The following ITPR2 variants were observed in gnomAD, a reference collection of about 807,000 sequenced individuals.
ITPR2 encodes the protein inositol 1,4,5-trisphosphate-gated calcium channel ITPR2.
In ITPR2, 207 loss-of-function variants were observed where a neutral mutation model predicts 317.1. The observed-to-expected ratio is 0.65, with a 90% CI of 0.58 to 0.73. ITPR2 has a LOEUF of 0.73. Ranked by LOEUF, ITPR2 falls within the 30% of genes least tolerant of loss-of-function variation. The pLI, the probability that ITPR2 is intolerant of heterozygous loss-of-function variation, is 0.00. For missense variants in ITPR2, 2,613 were observed against 3,284.0 expected, an observed-to-expected ratio of 0.80 and a Z score of 4.99; for synonymous variants, 1,156 against 1,149.1, an observed-to-expected ratio of 1.01 and a Z score of -0.12.
intron 2 of ITPR2, among the ~76,000 whole-genome samples, chr12:26,769,027 C>CACACACACACACACA (rs55797555): frequency 0.023 from 2,534 of 112,232 alleles, 56 homozygotes; most frequent in Non-Finnish European, 0.033. Flanking sequence ...ACACACACAC[C>CACACACACACACACA]CCAATCTCAG....
At chr12:26,460,184 T>C (rs1941982277) in intron 45 of ITPR2, among the ~76,000 whole-genome samples, 2 of 152,204 alleles carry the variant, frequency 1.3e-5, no homozygotes, top group African/African-American at 2.4e-5. Flanking sequence ...GATCCGACCC[T>C]GCCTCCATCC....
At chr12:26,526,166 T>A (rs1435268694) in intron 37 of ITPR2, among the ~76,000 whole-genome samples, 1 of 152,142 alleles carries the variant, frequency 6.6e-6, no homozygotes, top group Non-Finnish European at 1.5e-5. Context: ...AATAATAGAC[T>A]CATGGAAATA....
chr12:26,484,879 T>C (rs1028781859), intron 41 of ITPR2, among the ~76,000 whole-genome samples: 4 of 152,024 alleles, frequency 2.6e-5, no homozygotes, highest in Admixed American at 1.3e-4. Flanking sequence ...GCCCAGCTAA[T>C]TTTTTGTATT....
intron 2 of ITPR2, among the ~76,000 whole-genome samples, chr12:26,763,873 G>A (rs1949677238): frequency 6.6e-6 from 1 of 151,926 alleles, no homozygotes; most frequent in South Asian, 2.1e-4. Context: ...CATAAAAGGT[G>A]GAAATTTGGT....
chr12:26,827,051 C>A (rs988359610), intron 1 of ITPR2, among the ~76,000 whole-genome samples: 1 of 152,126 alleles, frequency 6.6e-6, no homozygotes, highest in Non-Finnish European at 1.5e-5. Flanking sequence ...CAGCACATCC[C>A]AAGACTCCCT....
At chr12:26,585,725 T>C (rs1440926622) in intron 32 of ITPR2, among the ~76,000 whole-genome samples, 1 of 152,146 alleles carries the variant, frequency 6.6e-6, no homozygotes, top group Non-Finnish European at 1.5e-5. Context: ...TTTCTAATTA[T>C]TTCCCAAGGA....
chr12:26,815,496 G>T (rs900231020), intron 1 of ITPR2, among the ~76,000 whole-genome samples: 7 of 152,086 alleles, frequency 4.6e-5, no homozygotes, highest in East Asian at 1.9e-4. Flanking sequence ...TGAAATATTA[G>T]CAACTAAAAT....
At chr12:26,586,531 T>A (rs1225411100) in intron 32 of ITPR2, among the ~76,000 whole-genome samples, 1 of 152,260 alleles carries the variant, frequency 6.6e-6, no homozygotes, top group Admixed American at 6.5e-5. Flanking sequence ...TGCTTTCATC[T>A]AAAGACAGAT....
intron 2 of ITPR2, among the ~76,000 whole-genome samples, chr12:26,729,186 T>C (rs1307637752): frequency 6.6e-6 from 1 of 152,046 alleles, no homozygotes; most frequent in East Asian, 1.9e-4. Context: ...AAAACATACA[T>C]GCGGCCAACA....
At chr12:26,604,814 G>A (rs1213320586) in intron 26 of ITPR2, among the ~76,000 whole-genome samples, 3 of 152,142 alleles carry the variant, frequency 2.0e-5, no homozygotes, top group African/African-American at 7.2e-5. Flanking sequence ...TTATAGGAGA[G>A]GCCGGACGCA....
chr12:26,774,746 T>A (rs74072358), intron 2 of ITPR2, among the ~76,000 whole-genome samples: 3,820 of 152,322 alleles, frequency 0.025, 165 homozygotes, highest in African/African-American at 0.086. Context: ...ATTTCCAACA[T>A]GCGAACAGCT....
chr12:26,641,403 C>T (rs1398930601), intron 21 of ITPR2, among the ~76,000 whole-genome samples: 1 of 147,784 alleles, frequency 6.8e-6, no homozygotes, highest in Non-Finnish European at 1.5e-5. Context: ...ATAAAGAAAG[C>T]AATAAAATAA....
intron 13 of ITPR2, among the ~76,000 whole-genome samples, chr12:26,678,273 T>C (rs1947957348): frequency 6.6e-6 from 1 of 152,174 alleles, no homozygotes; most frequent in Admixed American, 6.5e-5. Flanking sequence ...CAGTCCTCTC[T>C]ATTTTGTGGG....
chr12:26,582,343 T>C (rs1183853378), intron 32 of ITPR2, among the ~76,000 whole-genome samples: 1 of 152,210 alleles, frequency 6.6e-6, no homozygotes, highest in African/African-American at 2.4e-5. Flanking sequence ...CAAGTAAAAT[T>C]ACATCATATC....
At chr12:26,340,362 T>C (rs1050331510) in intron 55 of ITPR2, 34 bp from the exon 56 acceptor site, 1 of 1,558,554 alleles carries the variant, frequency 6.4e-7, no homozygotes, top group Admixed American at 1.9e-5. Flanking sequence ...AACAAGGGAA[T>C]AAGTATGGAA....
intron 55 of ITPR2, among the ~76,000 whole-genome samples, chr12:26,361,248 A>C (rs141970830): frequency 5.3e-5 from 8 of 152,118 alleles, no homozygotes; most frequent in African/African-American, 1.9e-4. Flanking sequence ...TTCATGTTTA[A>C]TTGTGCTGGA....
chr12:26,736,819 CAGTTCTATA>C (rs1244304258), intron 2 of ITPR2, among the ~76,000 whole-genome samples: 58 of 152,286 alleles, frequency 3.8e-4, no homozygotes, highest in Middle Eastern at 3.4e-3. Flanking sequence ...ATGTTGGGTC[CAGTTCTATA>C]GATGGCACAT....
intron 44 of ITPR2, 127 bp downstream of exon 44, chr12:26,476,785 G>A (rs1018437885): frequency 6.3e-6 from 4 of 634,028 alleles, no homozygotes; most frequent in Non-Finnish European, 5.6e-6. Context: ...GTAATGGTAG[G>A]TCATGATGTT....
chr12:26,764,966 T>A (rs182558528), intron 2 of ITPR2, among the ~76,000 whole-genome samples: 164 of 152,192 alleles, frequency 1.1e-3, no homozygotes, highest in African/African-American at 3.7e-3. Context: ...TTCTGCAAAT[T>A]TTTTACCCAC....
Sources: gnomAD v4.1 joint callset for allele counts (sites outside exome capture counted in the v4.1 genomes callset) on GRCh38, gnomAD v4.1.1 for gene constraint, MANE v1.5 for transcripts, NCBI Gene and HGNC (gene_info 2026-07-23, HGNC 2026-07-21) for gene names.